Variants in ADAM23 observed in about 807,000 individuals in gnomAD.
The protein encoded by ADAM23 is disintegrin and metalloproteinase domain-containing protein 23.
A neutral mutation model predicts 120.1 loss-of-function variants in ADAM23; 33 were observed. That is an observed-to-expected ratio of 0.27 (90% CI 0.21 to 0.37). The LOEUF (loss-of-function observed/expected upper bound fraction) is 0.37. ADAM23 is among the 10% of genes least tolerant of loss of function. The pLI is 1.00. For synonymous variants in ADAM23, 367 were observed against 375.2 expected (o/e 0.98, Z 0.25); for missense variants, 862 against 1,058.2 (o/e 0.81, Z 2.57).
At chr2:206,505,886 G>A (rs1250148687) in intron 3 of ADAM23, among the ~76,000 whole-genome samples, 1 of 152,152 alleles carries the variant, frequency 6.6e-6, no homozygotes, top group South Asian at 2.1e-4. Context: ...GTCTAAAGAG[G>A]CACCCCCATA....
chr2:206,513,340 A>G (rs1257006267), intron 3 of ADAM23, among the ~76,000 whole-genome samples: 1 of 151,928 alleles, frequency 6.6e-6, no homozygotes, highest in African/African-American at 2.4e-5. Context: ...ATGATAAGAA[A>G]GTGAAACAGC....
chr2:206,552,804 G>C (rs1311541843), intron 9 of ADAM23, among the ~76,000 whole-genome samples: 1 of 151,516 alleles, frequency 6.6e-6, no homozygotes, highest in Non-Finnish European at 1.5e-5. Flanking sequence ...TGGGACTATA[G>C]GTGCATATGA....
chr2:206,585,554 T>A (rs552294767), intron 18 of ADAM23, among the ~76,000 whole-genome samples: 41 of 152,352 alleles, frequency 2.7e-4, no homozygotes, highest in African/African-American at 9.6e-4. Context: ...GTTATCTTTC[T>A]GTGGTGAACT....
At chr2:206,488,607 A>T (rs907579026) in intron 3 of ADAM23, among the ~76,000 whole-genome samples, 21 of 152,222 alleles carry the variant, frequency 1.4e-4, no homozygotes, top group African/African-American at 4.8e-4. Flanking sequence ...AGTTTTGTCC[A>T]CTAACTGCCA....
chr2:206,499,184 G>C (rs1410479292), intron 3 of ADAM23, among the ~76,000 whole-genome samples: 4 of 151,828 alleles, frequency 2.6e-5, no homozygotes, highest in Non-Finnish European at 5.9e-5. Context: ...CTGCTATAAA[G>C]ACACATGCAC....
At chr2:206,595,731 T>C (rs1698511517) in intron 23 of ADAM23, among the ~76,000 whole-genome samples, 1 of 152,246 alleles carries the variant, frequency 6.6e-6, no homozygotes, top group Non-Finnish European at 1.5e-5. Flanking sequence ...GACATTTGTA[T>C]ACTTATGTAA....
intron 21 of ADAM23, among the ~76,000 whole-genome samples, chr2:206,591,148 A>G (rs981193471): frequency 6.6e-6 from 1 of 152,226 alleles, no homozygotes; most frequent in Non-Finnish European, 1.5e-5. Flanking sequence ...TCTGGACAAC[A>G]TAGTGAGTCC....
intron 4 of ADAM23, among the ~76,000 whole-genome samples, chr2:206,539,006 C>A (rs34553219): frequency 0.072 from 10,998 of 152,200 alleles, 444 homozygotes; most frequent in Middle Eastern, 0.11. Context: ...TTATCCCCAG[C>A]CATTTCTGGT....
intron 15 of ADAM23, among the ~76,000 whole-genome samples, 194 bp from the exon 16 acceptor site, chr2:206,570,546 A>T (rs950701608): frequency 9.2e-5 from 14 of 152,268 alleles, no homozygotes; most frequent in African/African-American, 3.1e-4. Context: ...CCCATTTCAG[A>T]TATATTTTTA....
rs545457609 is a variant in ADAM23, at chr2:206,548,955, G to A, written c.867+601G>A. On this transcript the variant is annotated intron_variant, in intron 8 of 25. Coordinates refer to ENST00000264377, the MANE Select transcript of ADAM23 (RefSeq NM_003812.4). Reference sequence around the variant, plus strand: ...CTTCACATGTATTGATAAACGTATAGGGGCTTTGTAATTGAAATTATGTTT... The same window carrying A: ...CTTCACATGTATTGATAAACGTATAAGGGCTTTGTAATTGAAATTATGTTT... Among the ~76,000 whole-genome samples the A allele has an allele frequency of 1.1e-4, 16 of 152,132 alleles. No homozygotes were observed. In the South Asian group the frequency reaches 3.3e-3, roughly 32 times the overall value.
rs369175047 is a variant in ADAM23 at position 206,594,784 on chromosome 2, A to C, written c.2126A>C (p.Glu709Ala). 3 of 1,614,220 alleles carry C rather than the reference A, an allele frequency of 1.9e-6. No individual in the cohort carries two copies. Among genetic ancestry groups the C allele is most frequent in the Non-Finnish European group, 2.5e-6 (3 of 1,180,032 alleles). ...GATGATACGGATGTGGGCTATGTAG[A>C]AGATGGAACGCCATGTGGCCCGTCT... ...LDDDTDVGYV[E>A]DGTPCGPSMM... Residue 709 changes from glutamate (E) to alanine (A), a missense_variant, in exon 23 of 26, where the codon GAA becomes GCA. Glu to Ala is a moderately radical substitution (Grantham distance 107). Around this residue, in one of 4 missense-constraint regions of ADAM23, gnomAD observed 617 missense variants for 813.5 expected, o/e 0.76. Coordinates refer to ENST00000264377, the MANE Select transcript of ADAM23 (RefSeq NM_003812.4).
intron 24 of ADAM23, 60 bp downstream of exon 24, chr2:206,596,222 C>CACCA: frequency 7.9e-7 from 1 of 1,267,568 alleles, no homozygotes; most frequent in Non-Finnish European, 1.1e-6. Flanking sequence ...TGTTCCAATG[C>CACCA]ACCAGTATAA....
At chr2:206,502,607 A>G (rs1219600376) in intron 3 of ADAM23, among the ~76,000 whole-genome samples, 1 of 152,066 alleles carries the variant, frequency 6.6e-6, no homozygotes, top group African/African-American at 2.4e-5. Context: ...CATTTATGCC[A>G]TGTTAGATCA....
At chr2:206,473,572 A>AAATAATAATATAATAATAATAATAAT in intron 2 of ADAM23, among the ~76,000 whole-genome samples, 1 of 147,202 alleles carries the variant, frequency 6.8e-6, no homozygotes, top group Middle Eastern at 3.5e-3. Flanking sequence ...CCCATCTCTA[A>AAATAATAATATAATAATAATAATAAT]AATAATAATA....
intron 24 of ADAM23, among the ~76,000 whole-genome samples, chr2:206,598,030 CCTT>C (rs1243250760): frequency 6.6e-6 from 1 of 152,280 alleles, no homozygotes; most frequent in South Asian, 2.1e-4. Context: ...TTTCTGTTCT[CCTT>C]CTTCTATTTC....
At chr2:206,474,715 G>A (rs1264597033) in intron 2 of ADAM23, among the ~76,000 whole-genome samples, 3 of 151,956 alleles carry the variant, frequency 2.0e-5, no homozygotes, top group African/African-American at 7.3e-5. Flanking sequence ...GCTGGGACTA[G>A]AGGCATGCAC....
chr2:206,549,732 ATATTT>A (rs1466815794), intron 8 of ADAM23, among the ~76,000 whole-genome samples: 1 of 152,042 alleles, frequency 6.6e-6, no homozygotes, highest in Non-Finnish European at 1.5e-5. Flanking sequence ...GTAAATATGA[ATATTT>A]TATCACATTT....
chr2:206,571,922 A>G (rs773095224), intron 17 of ADAM23, 106 bp downstream of exon 17: 62 of 954,086 alleles, frequency 6.5e-5, no homozygotes, highest in Admixed American at 6.2e-4. Context: ...TCTTGGGTAC[A>G]GTGTACATAT....
intron 3 of ADAM23, among the ~76,000 whole-genome samples, chr2:206,526,923 C>T (rs1166832282): frequency 2.0e-5 from 3 of 152,138 alleles, no homozygotes; most frequent in African/African-American, 7.2e-5. Flanking sequence ...GCAGATTCAC[C>T]ATGAAGGGCA....
Sources: allele counts gnomAD v4.1 joint callset (sites outside exome capture counted in the v4.1 genomes callset), GRCh38; gene constraint gnomAD v4.1.1; regional missense constraint gnomAD v4.1.1; transcripts MANE v1.5; gene names NCBI Gene and HGNC (gene_info 2026-07-23, HGNC 2026-07-21).